ADGRV1: variants seen among roughly 807,000 people sequenced by gnomAD.
ADGRV1 encodes the protein adhesion G protein-coupled receptor V1, also known as G-protein coupled receptor 98.
ADGRV1 carries 359 observed loss-of-function variants against 596.2 expected under a neutral mutation model. That is an observed-to-expected ratio of 0.60 (90% CI 0.55 to 0.66). The LOEUF is 0.66. ADGRV1 is among the 30% of genes least tolerant of loss of function. The probability of loss-of-function intolerance (pLI) is 0.00; values close to 1 mark genes in which losing one functional copy is unlikely to be tolerated. For synonymous variants in ADGRV1, 2,681 were observed against 2,679.2 expected (o/e 1.00, Z -0.02); for missense variants, 7,274 against 7,575.6 (o/e 0.96, Z 1.48).
chr5:91,152,545 A>G (rs779739340), intron 88 of ADGRV1, among the ~76,000 whole-genome samples: 9 of 152,254 alleles, frequency 5.9e-5, no homozygotes, highest in Non-Finnish European at 1.2e-4. Flanking sequence ...ATAGAAATCT[A>G]CAAGTAATTC....
chr5:90,749,064 C>G (rs1754965905), intron 52 of ADGRV1, among the ~76,000 whole-genome samples: 1 of 152,120 alleles, frequency 6.6e-6, no homozygotes, highest in African/African-American at 2.4e-5. Flanking sequence ...ATCTTCTCAC[C>G]CTGCAGCCTT....
At chr5:90,844,904 G>T (rs1238815590) in intron 78 of ADGRV1, among the ~76,000 whole-genome samples, 1 of 152,274 alleles carries the variant, frequency 6.6e-6, no homozygotes, top group African/African-American at 2.4e-5. Context: ...AACTGGCCTT[G>T]TGGAGCCAGC....
chr5:90,894,446 G>A (rs553185386), intron 83 of ADGRV1, among the ~76,000 whole-genome samples: 1 of 152,274 alleles, frequency 6.6e-6, no homozygotes, highest in African/African-American at 2.4e-5. Context: ...GAAATAGCTT[G>A]CCTTTGCTTA....
At chr5:91,108,971 T>C (rs1792135393) in intron 87 of ADGRV1, among the ~76,000 whole-genome samples, 1 of 152,164 alleles carries the variant, frequency 6.6e-6, no homozygotes, top group South Asian at 2.1e-4. Flanking sequence ...ATCTAAAATA[T>C]TTACCTAAAA....
In ADGRV1 at chr5:90,686,009, T is replaced by TATGGAAC. The variant is rs779144328; in HGVS notation, c.6490+14_6490+15insATGGAAC. ...CTGCAATAGCTGGTAAGAAAAGACATCTAAAAAGCAGTACATACAGAGGGA... is the reference window on the plus strand; with the variant it reads ...CTGCAATAGCTGGTAAGAAAAGACATATGGAACCTAAAAAGCAGTACATACAGAGGGA... On this transcript the variant is annotated intron_variant, in intron 29 of 89. Transcript: ENST00000405460. 5 of 1,538,524 alleles carry TATGGAAC rather than the reference T, an allele frequency of 3.2e-6. No homozygotes were observed. In the African/African-American group the frequency reaches 4.1e-5, roughly 13 times the overall value.
At chr5:90,652,108 T>G (rs988011120) in intron 18 of ADGRV1, among the ~76,000 whole-genome samples, 2 of 152,190 alleles carry the variant, frequency 1.3e-5, no homozygotes, top group African/African-American at 4.8e-5. Flanking sequence ...TGATGGAGCT[T>G]AGAATTTATC....
chr5:90,698,739 A>C (rs1032991853), intron 34 of ADGRV1, among the ~76,000 whole-genome samples: 2 of 150,498 alleles, frequency 1.3e-5, no homozygotes, highest in Non-Finnish European at 2.9e-5. Context: ...AAATTATCGG[A>C]ATGGAACCAT....
Position 90,564,788 on chromosome 5 carries a change from G to A in ADGRV1, c.22+5871G>A, listed in dbSNP as rs1451463014. On this transcript the variant is annotated intron_variant, in intron 1 of 89. Transcript: ENST00000405460. ...ACTACAGGCGCCCGCCACTGCGCCC[G>A]GCTAATTTTTTGTATTTTTAGTAGA... Among the ~76,000 whole-genome samples the A allele has an allele frequency of 9.9e-5, 9 of 90,456 alleles. 1 individual carries two copies. The highest frequency in any genetic ancestry group is 1.8e-4 in the Non-Finnish European group (8 of 45,242). 59.3% of individuals were successfully genotyped at this position (90,456 alleles called of 152,430 possible). A position where few individuals can be genotyped will look rare whatever the true frequency, so the allele number is the denominator to read the frequency against.
chr5:91,041,062 T>C (rs946148906), intron 85 of ADGRV1, among the ~76,000 whole-genome samples: 6 of 152,192 alleles, frequency 3.9e-5, no homozygotes, highest in African/African-American at 1.2e-4. Flanking sequence ...GTTCAACCAT[T>C]GTGGAAGACA....
Position 90,577,896 on chromosome 5 carries a change from A to T in ADGRV1, c.22+18979A>T, listed in dbSNP as rs529360882. ...TTGTAGTAACTGTGAATGGGAATTC[A>T]CTCATGATTTGGCTCTCTGTCTATT... On this transcript the variant is annotated intron_variant, in intron 1 of 89. Coordinates refer to ENST00000405460, the MANE Select transcript of ADGRV1 (RefSeq NM_032119.4). Among the ~76,000 whole-genome samples, 4 of 152,192 alleles carry T rather than the reference A, an allele frequency of 2.6e-5. No individual in the cohort carries two copies. In the East Asian group the frequency reaches 5.8e-4, roughly 22 times the overall value.
intron 26 of ADGRV1, among the ~76,000 whole-genome samples, chr5:90,680,486 A>G (rs1044347238): frequency 1.3e-5 from 2 of 152,250 alleles, no homozygotes; most frequent in Non-Finnish European, 2.9e-5. Flanking sequence ...ATATACAAAC[A>G]TGATTCAGCT....
At chr5:91,146,458 C>G (rs2126873074) in intron 87 of ADGRV1, among the ~76,000 whole-genome samples, 1 of 152,352 alleles carries the variant, frequency 6.6e-6, no homozygotes, top group South Asian at 2.1e-4. Flanking sequence ...AAAGGGCCAG[C>G]AGCTCTTTAA....
chr5:90,924,695 G>C (rs1774242890), intron 83 of ADGRV1, among the ~76,000 whole-genome samples: 3 of 152,278 alleles, frequency 2.0e-5, no homozygotes, highest in Admixed American at 2.0e-4. Flanking sequence ...TTTTGGACAT[G>C]AAGTCCTTGC....
At chr5:91,023,669 G>A (rs1269518121) in intron 85 of ADGRV1, among the ~76,000 whole-genome samples, 1 of 152,026 alleles carries the variant, frequency 6.6e-6, no homozygotes, top group Non-Finnish European at 1.5e-5. Context: ...CAAGCTCCAG[G>A]GCTGGCTTGA....
chr5:91,124,212 G>A (rs946602790), intron 87 of ADGRV1, among the ~76,000 whole-genome samples: 1 of 152,100 alleles, frequency 6.6e-6, no homozygotes, highest in African/African-American at 2.4e-5. Flanking sequence ...ATTACAGTGA[G>A]TTCCATCACA....
chr5:90,680,175 C>A (rs1744751861), intron 26 of ADGRV1, among the ~76,000 whole-genome samples: 1 of 151,936 alleles, frequency 6.6e-6, no homozygotes, highest in African/African-American at 2.4e-5. Flanking sequence ...CATAGTAAAA[C>A]CCCGTTTCTA....
chr5:90,706,500 CAT>C, intron 38 of ADGRV1, 106 bp downstream of exon 38: 1 of 922,226 alleles, frequency 1.1e-6, no homozygotes, highest in Non-Finnish European at 1.6e-6. Context: ...AGGTTTGTTA[CAT>C]ATATATACAT....
chr5:90,909,626 A>T (rs79702629), intron 83 of ADGRV1, among the ~76,000 whole-genome samples: 1 of 106,692 alleles, frequency 9.4e-6, no homozygotes, highest in African/African-American at 3.1e-5. Flanking sequence ...CGCAAAAAGA[A>T]AAAAAAGAGA....
rs1779763428 is a variant in ADGRV1 at position 90,978,049 on chromosome 5, CA to C, written c.17974-7294del. On this transcript the variant is annotated intron_variant, in intron 84 of 89. Transcript: ENST00000405460. ...CGGTAGCTCAAGCCTGTAATCCAAG[CA>C]CTTTGGGAGGCCGAGGTGGGGGGAT... is the stretch of plus-strand genomic sequence containing the variant. 3.3e-5 allele frequency among the ~76,000 whole-genome samples: 5 copies of C among 152,174 alleles called. No individual in the cohort carries two copies. The South Asian group carries it at 8.3e-4, about 25-fold the overall frequency.
Sources: allele counts gnomAD v4.1 joint callset (sites outside exome capture counted in the v4.1 genomes callset), GRCh38; gene constraint gnomAD v4.1.1; transcripts MANE v1.5; gene names NCBI Gene and HGNC (gene_info 2026-07-23, HGNC 2026-07-21).